ABCC6: variants seen among roughly 807,000 people sequenced by gnomAD.
ABCC6 encodes ATP binding cassette subfamily C member 6.
A neutral mutation model predicts 169.5 loss-of-function variants in ABCC6; 126 were observed. The ratio of observed to expected loss-of-function variants is 0.74; its 90% CI spans 0.64 to 0.86. The LOEUF (loss-of-function observed/expected upper bound fraction) is 0.86. Ranked by LOEUF, ABCC6 falls within the 40% of genes least tolerant of loss-of-function variation. ABCC6 has a pLI of 0.00. For synonymous variants in ABCC6, 752 were observed against 814.7 expected, an observed-to-expected ratio of 0.92 and a Z score of 1.31; for missense variants, 1,733 against 1,927.2, an observed-to-expected ratio of 0.90 and a Z score of 1.89.
intron 29 of ABCC6, 95 bp from the exon 30 acceptor site, chr16:16,150,867 G>A (rs1425574559): frequency 2.6e-6 from 4 of 1,545,438 alleles, no homozygotes; most frequent in Admixed American, 3.9e-5. Flanking sequence ...AGCAGTGCAG[G>A]AGTGAGGTGC....
rs943050185 is a variant in ABCC6 at position 16,178,728 on chromosome 16, G to T, written c.2415+70C>A. 3.2e-6 allele frequency: 5 copies of T among 1,579,658 alleles called. No individual in the cohort carries two copies. In the Admixed American group the frequency reaches 5.0e-5, roughly 16 times the overall value. On this transcript the variant is annotated intron_variant, in intron 18 of 30. Transcript: ENST00000205557. ...GAAGGGGGAGGTGAGATAAACTTGG[G>T]TTAGGACTGGATGCTAAGTGCTTCC...
At chr16:16,214,493 G>C (rs2048778151) in intron 4 of ABCC6, 44 bp from the exon 5 acceptor site, 1 of 1,551,498 alleles carries the variant, frequency 6.4e-7, no homozygotes, top group South Asian at 1.2e-5. Flanking sequence ...GACAGAGGAG[G>C]GTGCTCAGAG....
Position 16,214,488 on chromosome 16 carries a change from A to T in ABCC6, c.475-39T>A, listed in dbSNP as rs138822567. 1.1e-3 allele frequency: 1,668 copies of T among 1,551,678 alleles called. 11 individuals carry two copies. The African/African-American group carries it at 0.02, about 19-fold the overall frequency. On this transcript the variant is annotated intron_variant, in intron 4 of 30. Transcript: ENST00000205557. Reference sequence around the variant, plus strand: ...AGCAGAAGATAAGGAATGGAGACAGAGGAGGGTGCTCAGAGGAGAGAAAAG... The same window carrying T: ...AGCAGAAGATAAGGAATGGAGACAGTGGAGGGTGCTCAGAGGAGAGAAAAG...
intron 29 of ABCC6, among the ~76,000 whole-genome samples, chr16:16,151,880 G>A (rs184880650): frequency 4.3e-4 from 66 of 152,056 alleles, no homozygotes; most frequent in African/African-American, 1.5e-3. Flanking sequence ...TCGCTGAATC[G>A]TGACGACATG....
intron 2 of ABCC6, 117 bp downstream of exon 2, chr16:16,221,532 A>G: frequency 6.6e-7 from 1 of 1,513,652 alleles, no homozygotes; most frequent in East Asian, 2.5e-5. Flanking sequence ...TTTGATTAAC[A>G]GATTCCCTTC....
intron 11 of ABCC6, 121 bp downstream of exon 11, chr16:16,192,709 G>A (rs1021163007): frequency 5.5e-6 from 5 of 905,264 alleles, no homozygotes; most frequent in East Asian, 2.6e-5. Context: ...GCTCACAGAC[G>A]ACAAGAACAA....
In ABCC6 at chr16:16,173,296, G is replaced by A; in HGVS notation, c.2775C>T (p.Ile925=). 2 of 1,613,984 alleles carry A rather than the reference G, an allele frequency of 1.2e-6. No homozygotes were observed. The highest frequency in any genetic ancestry group is 4.5e-5 in the East Asian group (2 of 44,880). The change falls in exon 21 of 31, where the codon ATC becomes ATT. Residue 925 remains isoleucine, a synonymous_variant. Transcript: ENST00000205557. ...AGCTGGTGGTTACCCTGCCGTATTG[G>A]ATGCTGTCCTTTCCTGCTGGCCATC... ...RAGWPAGKDS[I]QYGRVKATVH... is the part of the protein sequence containing the mutation.
chr16:16,209,977 A>C (rs143358560), intron 6 of ABCC6, among the ~76,000 whole-genome samples: 1 of 151,246 alleles, frequency 6.6e-6, no homozygotes, highest in African/African-American at 2.4e-5. Context: ...GTGATCTGTC[A>C]GGGTTGGCCT....
Position 16,189,004 on chromosome 16 carries a change from C to T in ABCC6, c.1636-30G>A, listed in dbSNP as rs757981471. On this transcript the variant is annotated intron_variant, in intron 12 of 30. Transcript: ENST00000205557. ...GGGGTGGGGGGGACACGTGGGGCAACAGTGAGACACGCAAGCATGGATAGG... is the reference window on the plus strand; with the variant it reads ...GGGGTGGGGGGGACACGTGGGGCAATAGTGAGACACGCAAGCATGGATAGG... 2.7e-5 allele frequency: 44 copies of T among 1,612,172 alleles called. No individual in the cohort carries two copies. The East Asian group carries it at 9.6e-4, about 35-fold the overall frequency.
rs141399693 is a variant in ABCC6, at chr16:16,182,918, C to T, written c.1956G>A (p.Thr652=). The change falls in exon 16 of 31, where the codon ACG becomes ACA. Residue 652 remains threonine (T), a synonymous_variant. Coordinates refer to ENST00000205557, the MANE Select transcript of ABCC6 (RefSeq NM_001171.6). ...SPPCLHRINL[T]VPQGCLLAVV... ...CAGCCAGCAGACAGCCCTGGGGCAC[C>T]GTGAGGTTTATTCTGGACACGCAAG... The T allele has an allele frequency of 1.4e-5, 23 of 1,613,962 alleles. No individual in the cohort carries two copies. Among genetic ancestry groups the T allele is most frequent in the African/African-American group, 2.7e-5 (2 of 74,890 alleles).
At chr16:16,179,537 C>CG (rs1400887171) in intron 17 of ABCC6, among the ~76,000 whole-genome samples, 4 of 151,954 alleles carry the variant, frequency 2.6e-5, no homozygotes, top group African/African-American at 9.7e-5. Flanking sequence ...GGTTTCAGGA[C>CG]GATTCAAGCA....
intron 20 of ABCC6, among the ~76,000 whole-genome samples, chr16:16,174,765 C>CCCG (rs1555511652): frequency 3.1e-5 from 4 of 128,804 alleles, no homozygotes; most frequent in African/African-American, 1.1e-4. Flanking sequence ...TCAAAACCCC[C>CCCG]CCCCGCAAAA....
At chr16:16,182,632 G>A in intron 16 of ABCC6, 44 bp from the exon 17 acceptor site, 2 of 1,605,448 alleles carry the variant, frequency 1.2e-6, no homozygotes, top group African/African-American at 2.7e-5. Flanking sequence ...GATGGGGACA[G>A]AGGTGGGATA....
chr16:16,190,133 C>T (rs764131742), intron 12 of ABCC6, 31 bp downstream of exon 12: 2 of 1,611,218 alleles, frequency 1.2e-6, no homozygotes, highest in South Asian at 2.2e-5. Flanking sequence ...TTCCCCAGTG[C>T]TGCTCAGCAT....
Position 16,177,609 on chromosome 16 carries a change from C to G in ABCC6, c.2433G>C (p.Thr811=). 6.2e-7 allele frequency: 1 copy of G among 1,614,160 alleles called. No individual in the cohort carries two copies. Among genetic ancestry groups the G allele is most frequent in the Non-Finnish European group, 8.5e-7 (1 of 1,180,034 alleles). ...LLQGTTRILV[T]HALHILPQAD... The stretch of plus-strand genomic sequence containing the variant: ...CCTGGGGCAGGATGTGGAGTGCGTG[C>G]GTCACGAGAATCCGTGTCTGGGCAG... The change falls in exon 19 of 31, where the codon ACG becomes ACC. Residue 811 remains threonine, a synonymous_variant. Coordinates refer to ENST00000205557, the MANE Select transcript of ABCC6 (RefSeq NM_001171.6).
intron 23 of ABCC6, among the ~76,000 whole-genome samples, 182 bp downstream of exon 23, chr16:16,165,441 T>G (rs1425517526): frequency 6.6e-6 from 1 of 151,964 alleles, no homozygotes; most frequent in Non-Finnish European, 1.5e-5. Flanking sequence ...GATGTGAACA[T>G]TTAGAGACAG....
chr16:16,192,634 G>A (rs931195452), intron 11 of ABCC6, among the ~76,000 whole-genome samples, 196 bp downstream of exon 11: 1 of 152,124 alleles, frequency 6.6e-6, no homozygotes, highest in African/African-American at 2.4e-5. Flanking sequence ...CCTGAACATT[G>A]GAGGGACGGA....
chr16:16,175,849 T>C (rs547740003), intron 20 of ABCC6, 62 bp downstream of exon 20: 3 of 1,588,826 alleles, frequency 1.9e-6, no homozygotes, highest in South Asian at 2.2e-5. Flanking sequence ...ATGCGGGTGG[T>C]CCCTTCAGCT....
intron 25 of ABCC6, 68 bp downstream of exon 25, chr16:16,161,370 C>T: frequency 1.2e-6 from 2 of 1,610,188 alleles, no homozygotes; most frequent in Non-Finnish European, 1.7e-6. Flanking sequence ...AAAGGTCCCA[C>T]TAGCAGGGGT....
Sources: gnomAD v4.1 joint callset for allele counts (sites outside exome capture counted in the v4.1 genomes callset) on GRCh38, gnomAD v4.1.1 for gene constraint, MANE v1.5 for transcripts, NCBI Gene and HGNC (gene_info 2026-07-23, HGNC 2026-07-21) for gene names.